KALRN: variants seen among roughly 807,000 people sequenced by gnomAD.
The protein encoded by KALRN is kalirin RhoGEF kinase.
Under a neutral mutation model 353.7 loss-of-function variants are expected in KALRN, and 70 were observed. That is an observed-to-expected ratio of 0.20 (90% CI 0.16 to 0.24). KALRN has a LOEUF of 0.24. KALRN is among the 10% of genes least tolerant of loss of function. The pLI is 1.00. For synonymous variants in KALRN, 1,391 were observed against 1,434.8 expected (o/e 0.97, Z 0.69); for missense variants, 2,791 against 3,756.7 (o/e 0.74, Z 6.72).
chr3:124,223,391 G>A (rs2078131874), intron 1 of KALRN, among the ~76,000 whole-genome samples: 1 of 152,092 alleles, frequency 6.6e-6, no homozygotes, highest in South Asian at 2.1e-4. Context: ...TTTGAGTAAG[G>A]CTTCTATACT....
chr3:124,084,112 G>C (rs2060681498), intron 1 of KALRN, among the ~76,000 whole-genome samples: 1 of 152,202 alleles, frequency 6.6e-6, no homozygotes, highest in Non-Finnish European at 1.5e-5. Flanking sequence ...AGAAATGGCC[G>C]ACCTCTGCTG....
intron 33 of KALRN, among the ~76,000 whole-genome samples, chr3:124,548,216 A>C (rs983621912): frequency 3.3e-5 from 5 of 152,202 alleles, no homozygotes; most frequent in Admixed American, 2.6e-4. Context: ...GAACTGTAAA[A>C]ATTTATAAGA....
intron 21 of KALRN, among the ~76,000 whole-genome samples, chr3:124,453,671 G>A (rs2059021326): frequency 6.6e-6 from 1 of 152,140 alleles, no homozygotes; most frequent in Non-Finnish European, 1.5e-5. Flanking sequence ...TTTCTTCTTA[G>A]AATAGTATTT....
intron 11 of KALRN, among the ~76,000 whole-genome samples, chr3:124,394,433 G>C (rs2089903526): frequency 6.6e-6 from 1 of 152,186 alleles, no homozygotes; most frequent in Admixed American, 6.5e-5. Flanking sequence ...CAGTAATTCA[G>C]TTTTAACTCC....
At chr3:124,309,252 T>TAA (rs71145445) in intron 6 of KALRN, among the ~76,000 whole-genome samples, 13 of 146,930 alleles carry the variant, frequency 8.8e-5, no homozygotes, top group Admixed American at 2.0e-4. Context: ...AAGCTTATAT[T>TAA]AAAAAAAAAA....
intron 1 of KALRN, among the ~76,000 whole-genome samples, chr3:124,129,879 A>G (rs1490907259): frequency 6.6e-6 from 1 of 152,222 alleles, no homozygotes; most frequent in African/African-American, 2.4e-5. Context: ...TGAGAAAAAG[A>G]AGGCAGATGA....
At chr3:124,617,144 C>T (rs1163655630) in intron 34 of KALRN, among the ~76,000 whole-genome samples, 3 of 151,750 alleles carry the variant, frequency 2.0e-5, no homozygotes, top group Non-Finnish European at 4.4e-5. Flanking sequence ...CCAATCTGGG[C>T]AGCACGGTGA....
At chr3:124,432,352 C>T (rs774221037) in intron 16 of KALRN, among the ~76,000 whole-genome samples, 9 of 152,026 alleles carry the variant, frequency 5.9e-5, no homozygotes, top group Non-Finnish European at 5.9e-5. Context: ...AGGTGGAAGT[C>T]GCAGTGAGCT....
chr3:124,653,854 G>T (rs2083685162), intron 38 of KALRN, among the ~76,000 whole-genome samples: 1 of 152,168 alleles, frequency 6.6e-6, no homozygotes, highest in African/African-American at 2.4e-5. Flanking sequence ...GCAATTAATT[G>T]TGCACTGCCT....
intron 1 of KALRN, among the ~76,000 whole-genome samples, chr3:124,057,047 G>T (rs971496771): frequency 2.6e-5 from 4 of 152,170 alleles, no homozygotes; most frequent in Admixed American, 2.0e-4. Flanking sequence ...CATGTTGGCT[G>T]GCCCTGCCAG....
chr3:124,106,320 C>A (rs1408884758), intron 1 of KALRN, among the ~76,000 whole-genome samples: 1 of 152,186 alleles, frequency 6.6e-6, no homozygotes, highest in Non-Finnish European at 1.5e-5. Flanking sequence ...GTCATGAGCT[C>A]AGACTGGAGA....
intron 6 of KALRN, among the ~76,000 whole-genome samples, chr3:124,307,362 A>G (rs1403292745): frequency 1.3e-5 from 2 of 152,094 alleles, no homozygotes; most frequent in African/African-American, 2.4e-5. Flanking sequence ...CTATAAATAT[A>G]TAGTAATCCT....
At chr3:124,461,695 A>C (rs1048058163) in intron 23 of KALRN, among the ~76,000 whole-genome samples, 195 bp from the exon 24 acceptor site, 2 of 152,328 alleles carry the variant, frequency 1.3e-5, no homozygotes, top group East Asian at 1.9e-4. Context: ...GCCAATGGTC[A>C]GGAAATATCA....
At chr3:124,248,929 G>A (rs2070729367) in intron 3 of KALRN, among the ~76,000 whole-genome samples, 1 of 152,236 alleles carries the variant, frequency 6.6e-6, no homozygotes, top group South Asian at 2.1e-4. Flanking sequence ...CCCTACACAG[G>A]AAGAGAATGT....
intron 10 of KALRN, among the ~76,000 whole-genome samples, chr3:124,369,246 G>A (rs1345104249): frequency 1.3e-5 from 2 of 152,112 alleles, no homozygotes; most frequent in Non-Finnish European, 2.9e-5. Flanking sequence ...ATTTTTACCT[G>A]TCAATTGACA....
At chr3:124,441,767 G>A (rs537112542) in intron 18 of KALRN, among the ~76,000 whole-genome samples, 178 bp from the exon 19 acceptor site, 5 of 151,952 alleles carry the variant, frequency 3.3e-5, no homozygotes, top group South Asian at 2.1e-4. Flanking sequence ...TGGAGACTGC[G>A]GTGAGCTATG....
At chr3:124,112,159 C>T (rs2063041977) in intron 1 of KALRN, among the ~76,000 whole-genome samples, 1 of 152,010 alleles carries the variant, frequency 6.6e-6, no homozygotes, top group South Asian at 2.1e-4. Flanking sequence ...AAAAATTAGT[C>T]AGGTGCAGTG....
At chr3:124,532,284 G>A (rs1315326302) in intron 33 of KALRN, among the ~76,000 whole-genome samples, 1 of 152,202 alleles carries the variant, frequency 6.6e-6, no homozygotes, top group Non-Finnish European at 1.5e-5. Context: ...CATTGCTCTA[G>A]AAATCACATA....
At position 124,674,592 on chromosome 3, in the gene KALRN, G is replaced by A; in HGVS notation, c.7171G>A (p.Glu2391Lys). ...GCCCCTCACCAAAGCCACAGCAGCA[G>A]AAAGTAGTGACGGGAGCATCAAGTA... ...LAPLTKATAAESSDGSIKKSC... is the reference protein window; with the variant it reads ...LAPLTKATAAKSSDGSIKKSC... The change falls in exon 49 of 60, where the codon GAA becomes AAA. Residue 2391 changes from glutamate to lysine, a missense_variant. By Grantham distance (56) the Glu-to-Lys change is moderately conservative (BLOSUM62 1). This residue lies in a region of KALRN where 1,065 missense variants were observed against 1,156.4 expected (regional missense o/e 0.92). Coordinates refer to ENST00000682506, the MANE Select transcript of KALRN (RefSeq NM_001388419.1). 1 of 1,602,816 alleles carries A rather than the reference G, an allele frequency of 6.2e-7. No homozygotes were observed. Among genetic ancestry groups the A allele is most frequent in the Non-Finnish European group, 8.5e-7 (1 of 1,173,048 alleles).
Sources: allele counts gnomAD v4.1 joint callset (sites outside exome capture counted in the v4.1 genomes callset), GRCh38; gene constraint gnomAD v4.1.1; regional missense constraint gnomAD v4.1.1; transcripts MANE v1.5; gene names NCBI Gene and HGNC (gene_info 2026-07-23, HGNC 2026-07-21).